OCLN: variants seen among roughly 807,000 people sequenced by gnomAD.
OCLN encodes phosphatase 1, regulatory subunit 115.
In OCLN, 21 loss-of-function variants were observed where a neutral mutation model predicts 47.9. The ratio of observed to expected loss-of-function variants is 0.44; its 90% CI spans 0.31 to 0.63. The LOEUF (loss-of-function observed/expected upper bound fraction) is 0.63. Among genes scored for constraint, OCLN ranks in the 30% least tolerant of loss-of-function variants. The probability of loss-of-function intolerance (pLI) is 0.08; values close to 1 mark genes in which losing one functional copy is unlikely to be tolerated. For synonymous variants in OCLN, 117 were observed against 198.4 expected (o/e 0.59, Z 3.45); for missense variants, 360 against 571.0 (o/e 0.63, Z 3.77).
At position 69,497,783 on chromosome 5, in the gene OCLN, A is replaced by C. The variant is rs547654038; in HGVS notation, c.-69+4883A>C. ...TTTTGTTTGTTCTTTTTAATAGCAT[A>C]TTATTCCTAGATATGAGCACTATTT... On this transcript the variant is annotated intron_variant, in intron 1 of 8. Coordinates refer to ENST00000396442, the MANE Select transcript of OCLN (RefSeq NM_001205254.2). 6.6e-5 allele frequency among the ~76,000 whole-genome samples: 10 copies of C among 152,260 alleles called. No homozygotes were observed. The South Asian group carries it at 1.7e-3, about 25-fold the overall frequency.
At chr5:69,525,145 C>A (rs189967654) in intron 4 of OCLN, among the ~76,000 whole-genome samples, 59 of 151,924 alleles carry the variant, frequency 3.9e-4, no homozygotes, top group African/African-American at 1.3e-3. Context: ...CGCTCTGTCA[C>A]CCAGGCTGGA....
At chr5:69,530,739 T>C (rs1173453333) in intron 4 of OCLN, 1 of 152,236 alleles carries the variant, frequency 6.6e-6, no homozygotes, top group Non-Finnish European at 1.5e-5. Flanking sequence ...TTATTATGCA[T>C]GTGTATAGAA....
chr5:69,517,316 T>TA (rs1561341135), intron 4 of OCLN, among the ~76,000 whole-genome samples: 151 of 33,048 alleles, frequency 4.6e-3, no homozygotes, highest in African/African-American at 6.9e-3. Context: ...ATATATATAT[T>TA]TTTTTTTTTT....
intron 1 of OCLN, among the ~76,000 whole-genome samples, chr5:69,496,190 C>G (rs1768283320): frequency 6.6e-6 from 1 of 151,994 alleles, no homozygotes; most frequent in Non-Finnish European, 1.5e-5. Flanking sequence ...GCTCCGCCTC[C>G]CGGGTTCACA....
intron 3 of OCLN, among the ~76,000 whole-genome samples, chr5:69,512,265 G>T (rs1768811109): frequency 6.6e-6 from 1 of 152,158 alleles, no homozygotes; most frequent in African/African-American, 2.4e-5. Context: ...GGTTCTGAAA[G>T]CTTTCGCATG....
At chr5:69,494,932 T>G (rs1191212772) in intron 1 of OCLN, among the ~76,000 whole-genome samples, 1 of 152,128 alleles carries the variant, frequency 6.6e-6, no homozygotes, top group East Asian at 1.9e-4. Flanking sequence ...AGAACCAGAT[T>G]TGGGGAATTT....
intron 4 of OCLN, among the ~76,000 whole-genome samples, chr5:69,525,079 G>A (rs1393056409): frequency 4.0e-5 from 6 of 151,760 alleles, no homozygotes; most frequent in Non-Finnish European, 8.8e-5. Context: ...GGGATGCAGC[G>A]TTTGTGAGTG....
rs1768752947 is a variant in OCLN at position 69,510,601 on chromosome 5, G to A, written c.729+782G>A. ...GGGAGGCTCAGGCAGAAGAAATGGC[G>A]TGAACCCGGGAGGCGGAGCTTGCAG... On this transcript the variant is annotated intron_variant, in intron 3 of 8. Transcript: ENST00000396442. 2.6e-5 allele frequency among the ~76,000 whole-genome samples: 4 copies of A among 152,220 alleles called. No homozygotes were observed. The South Asian group carries it at 6.2e-4, about 24-fold the overall frequency.
chr5:69,515,110 G>A (rs1768894354), intron 4 of OCLN, among the ~76,000 whole-genome samples: 1 of 151,722 alleles, frequency 6.6e-6, no homozygotes, highest in South Asian at 2.1e-4. Flanking sequence ...GCCGGGCAGA[G>A]GCGCCCCTCA....
chr5:69,497,421 C>T (rs1464404618), intron 1 of OCLN, among the ~76,000 whole-genome samples: 1 of 135,518 alleles, frequency 7.4e-6, no homozygotes, highest in Non-Finnish European at 1.6e-5. Context: ...CAGAGTCTCA[C>T]TGTGTCGCCA....
Position 69,509,695 on chromosome 5 carries a change from A to G in OCLN, c.605A>G (p.Gln202Arg). 1.2e-6 allele frequency: 2 copies of G among 1,614,182 alleles called. No individual in the cohort carries two copies. Among genetic ancestry groups the G allele is most frequent in the East Asian group, 4.5e-5 (2 of 44,888 alleles). The change falls in exon 3 of 9, where the codon CAG (glutamine) becomes CGG (arginine). Residue 202 changes from glutamine (Q) to arginine (R), a missense_variant. Gln to Arg is a conservative substitution (Grantham distance 43). This residue lies in a region of OCLN where 314 missense variants were observed against 368.1 expected (regional missense o/e 0.85). Coordinates refer to ENST00000396442, the MANE Select transcript of OCLN (RefSeq NM_001205254.2). ...VYIMGVNPTA[Q>R]SSGSLYGSQI... is the part of the protein sequence containing the mutation. ...ATAATGGGAGTGAACCCAACTGCTC[A>G]GTCTTCTGGATCTCTATATGGTTCA... is the stretch of plus-strand genomic sequence containing the variant.
At chr5:69,496,137 C>T (rs1768281830) in intron 1 of OCLN, among the ~76,000 whole-genome samples, 1 of 149,590 alleles carries the variant, frequency 6.7e-6, no homozygotes, top group African/African-American at 2.5e-5. Context: ...GTCTCGCTGT[C>T]TCCCAGGCTG....
rs1411579208 is a variant in OCLN at position 69,493,778 on chromosome 5, C to G, written c.-69+878C>G. Among the ~76,000 whole-genome samples, 1 of 152,156 alleles carries G rather than the reference C, an allele frequency of 6.6e-6. No homozygotes were observed. Among genetic ancestry groups the G allele is most frequent in the Non-Finnish European group, 1.5e-5 (1 of 68,018 alleles). Reference sequence around the variant, plus strand: ...TCCGGGACTGGGCCGGCCCCGCGCGCCAGCCATGTTGCCTGCGTCGGAGGA... The same window carrying G: ...TCCGGGACTGGGCCGGCCCCGCGCGGCAGCCATGTTGCCTGCGTCGGAGGA... On this transcript the variant is annotated intron_variant, in intron 1 of 8. Transcript: ENST00000396442. This position sits in a 1 kb window ranked among gnomAD's most constrained non-coding sequence, Gnocchi z 5.3.
At chr5:69,504,812 C>CTAATCCCAGCTACTTGCCTG (rs1768552625) in intron 2 of OCLN, among the ~76,000 whole-genome samples, 1 of 152,056 alleles carries the variant, frequency 6.6e-6, no homozygotes, top group African/African-American at 2.4e-5. Context: ...GCGCGCACCT[C>CTAATCCCAGCTACTTGCCTG]TAATCCCAGC....
chr5:69,515,826 G>A (rs1245740484), intron 4 of OCLN, among the ~76,000 whole-genome samples: 3 of 151,254 alleles, frequency 2.0e-5, no homozygotes, highest in Non-Finnish European at 4.4e-5. Context: ...ACGGGGTCGC[G>A]GCTGGGTAGA....
At chr5:69,533,001 G>GTC (rs1769478168) in intron 4 of OCLN, among the ~76,000 whole-genome samples, 1 of 137,680 alleles carries the variant, frequency 7.3e-6, no homozygotes, top group Admixed American at 7.1e-5. Context: ...ATGCATGTAT[G>GTC]TGTGTGTGTG....
chr5:69,499,942 C>T (rs1768409610), intron 1 of OCLN, among the ~76,000 whole-genome samples: 1 of 152,164 alleles, frequency 6.6e-6, no homozygotes, highest in Non-Finnish European at 1.5e-5. Flanking sequence ...CATTTGAGTG[C>T]ACTTAGAGGA....
At chr5:69,505,708 T>C (rs1224794695) in intron 2 of OCLN, among the ~76,000 whole-genome samples, 1 of 152,190 alleles carries the variant, frequency 6.6e-6, no homozygotes, top group East Asian at 1.9e-4. Flanking sequence ...CTATCAAACA[T>C]TGATAGGGAT....
intron 1 of OCLN, among the ~76,000 whole-genome samples, chr5:69,496,925 T>C (rs1356378720): frequency 6.6e-6 from 1 of 152,202 alleles, no homozygotes; most frequent in African/African-American, 2.4e-5. Context: ...CATAAGTTCC[T>C]GTAGGTGATA....
Sources: gnomAD v4.1 joint callset for allele counts (sites outside exome capture counted in the v4.1 genomes callset) on GRCh38, gnomAD v4.1.1 for gene constraint, gnomAD v4.1.1 regional missense constraint, Gnocchi (gnomAD v3.1) non-coding constraint, MANE v1.5 for transcripts, NCBI Gene and HGNC (gene_info 2026-07-23, HGNC 2026-07-21) for gene names.